The following ADAM22 variants were observed in gnomAD, a reference collection of about 807,000 sequenced individuals.
The protein encoded by ADAM22 is disintegrin and metalloproteinase domain-containing protein 22.
In ADAM22, 65 loss-of-function variants were observed where a neutral mutation model predicts 144.6. The observed-to-expected ratio is 0.45, with a 90% CI of 0.37 to 0.55. The LOEUF is 0.55. ADAM22 is among the 20% of genes least tolerant of loss of function. The pLI is 0.00. For synonymous variants in ADAM22, 391 were observed against 412.6 expected, an observed-to-expected ratio of 0.95 and a Z score of 0.63; for missense variants, 974 against 1,184.9, an observed-to-expected ratio of 0.82 and a Z score of 2.61.
chr7:88,073,317 A>C (rs10228892), intron 3 of ADAM22, among the ~76,000 whole-genome samples: 21,448 of 152,192 alleles, frequency 0.14, 2,337 homozygotes, highest in African/African-American at 0.29. Flanking sequence ...ATTTTCTATA[A>C]GATGGTGAGA....
intron 2 of ADAM22, among the ~76,000 whole-genome samples, chr7:87,947,884 C>T (rs1377366896): frequency 6.6e-6 from 1 of 152,100 alleles, no homozygotes; most frequent in Non-Finnish European, 1.5e-5. Context: ...CATCGTTGAG[C>T]ACAGACAGAG....
intron 3 of ADAM22, among the ~76,000 whole-genome samples, chr7:88,000,368 G>A (rs1792259154): frequency 1.3e-5 from 2 of 152,094 alleles, no homozygotes; most frequent in African/African-American, 4.8e-5. Context: ...GAGAAACACA[G>A]CTGTAATAAG....
intron 3 of ADAM22, among the ~76,000 whole-genome samples, chr7:88,037,443 A>G (rs967295776): frequency 1.3e-5 from 2 of 152,246 alleles, no homozygotes; most frequent in African/African-American, 4.8e-5. Context: ...GCCTAGATTT[A>G]CATATGCAAG....
intron 3 of ADAM22, among the ~76,000 whole-genome samples, chr7:88,027,327 T>G (rs954716621): frequency 6.6e-6 from 1 of 152,224 alleles, no homozygotes; most frequent in African/African-American, 2.4e-5. Context: ...CTTTAGATGT[T>G]TAGTAAAATT....
In ADAM22 at chr7:88,181,865, C is replaced by T. The variant is rs2129538203; in HGVS notation, c.2597-93C>T. The T allele has an allele frequency of 3.5e-6, 4 of 1,139,336 alleles. No individual in the cohort carries two copies. The East Asian group carries it at 7.0e-5, about 20-fold the overall frequency. 70.6% of individuals were successfully genotyped at this position (1,139,336 alleles called of 1,614,324 possible). A position where few individuals can be genotyped will look rare whatever the true frequency, so the allele number is the denominator to read the frequency against. On this transcript the variant is annotated intron_variant, in intron 28 of 31. Transcript: ENST00000413139. ...AACCCGGTGTTCCACAGTGGTGCTGCTTATCAATTATACCCACTTGAAATG... is the reference window on the plus strand; with the variant it reads ...AACCCGGTGTTCCACAGTGGTGCTGTTTATCAATTATACCCACTTGAAATG...
At chr7:87,981,383 A>T (rs1026717632) in intron 3 of ADAM22, among the ~76,000 whole-genome samples, 20 of 152,122 alleles carry the variant, frequency 1.3e-4, no homozygotes, top group African/African-American at 4.1e-4. Context: ...TTGTCTTCTT[A>T]TTTCAATAAC....
intron 3 of ADAM22, among the ~76,000 whole-genome samples, chr7:88,045,932 G>GTGTGTA (rs1804576166): frequency 7.1e-6 from 1 of 141,780 alleles, no homozygotes; most frequent in East Asian, 2.1e-4. Flanking sequence ...GTGTGTGTGT[G>GTGTGTA]TATGTCACCC....
chr7:88,200,591 CTAATTA>C lies in ADAM22; in HGVS notation c.*4103_*4108del, dbSNP rs776214145. The C allele has an allele frequency of 2.0e-5, 3 of 152,218 alleles. No homozygotes were observed. Among genetic ancestry groups the C allele is most frequent in the Admixed American group, 6.5e-5 (1 of 15,276 alleles). 9.4% of individuals were successfully genotyped at this position (152,218 alleles called of 1,614,324 possible). On this transcript the variant is annotated 3_prime_UTR_variant, in exon 32 of 32. Transcript: ENST00000413139. Reference sequence around the variant, plus strand: ...AGCATCATATCTACTTTTTATGCACCTAATTATATTTTTCCTTTCACTTTTATGTTT... The same window carrying C: ...AGCATCATATCTACTTTTTATGCACCTATTTTTCCTTTCACTTTTATGTTT...
intron 4 of ADAM22, among the ~76,000 whole-genome samples, chr7:88,092,060 C>A (rs1264127333): frequency 6.6e-6 from 1 of 152,024 alleles, no homozygotes; most frequent in African/African-American, 2.4e-5. Flanking sequence ...GGAGCACCAT[C>A]GCTTCAAATC....
intron 3 of ADAM22, among the ~76,000 whole-genome samples, chr7:88,011,714 TTC>T (rs139701122): frequency 6.2e-4 from 92 of 148,378 alleles, no homozygotes; most frequent in Non-Finnish European, 6.0e-4. Context: ...TTCTTTCTCT[TTC>T]TCTCTCTCTC....
intron 8 of ADAM22, among the ~76,000 whole-genome samples, chr7:88,127,471 C>G (rs1830683623): frequency 6.6e-6 from 1 of 152,066 alleles, no homozygotes; most frequent in South Asian, 2.1e-4. Context: ...AAAAACACCC[C>G]CCTCCCTTAA....
At chr7:88,038,909 T>C (rs539397518) in intron 3 of ADAM22, among the ~76,000 whole-genome samples, 19 of 151,696 alleles carry the variant, frequency 1.3e-4, no homozygotes, top group Non-Finnish European at 2.7e-4. Flanking sequence ...GCCTCTCGAG[T>C]AGCTGGGACT....
intron 2 of ADAM22, among the ~76,000 whole-genome samples, chr7:87,949,060 T>G (rs554217159): frequency 7.2e-5 from 11 of 152,334 alleles, no homozygotes; most frequent in African/African-American, 2.4e-4. Flanking sequence ...ATGTAATGCT[T>G]TCGTTGGGAT....
chr7:88,113,703 AATATATATATATATATAT>A (rs58099116), intron 5 of ADAM22, among the ~76,000 whole-genome samples: 43 of 48,110 alleles, frequency 8.9e-4, no homozygotes, highest in African/African-American at 1.5e-3. Context: ...TAAATAAATA[AATATATATATATATATAT>A]ATATATATAT....
At chr7:88,106,232 A>T (rs1490065889) in intron 4 of ADAM22, among the ~76,000 whole-genome samples, 4 of 152,106 alleles carry the variant, frequency 2.6e-5, no homozygotes, top group Non-Finnish European at 5.9e-5. Context: ...TCTCCATTAA[A>T]TGCAACCGCA....
intron 3 of ADAM22, among the ~76,000 whole-genome samples, chr7:87,992,614 C>T (rs1381815256): frequency 1.3e-5 from 2 of 152,042 alleles, no homozygotes; most frequent in African/African-American, 2.4e-5. Flanking sequence ...AGGTAGTATT[C>T]GTTTTTAGGT....
chr7:88,142,513 T>C (rs10441268), intron 14 of ADAM22, among the ~76,000 whole-genome samples: 24,426 of 152,108 alleles, frequency 0.16, 3,809 homozygotes, highest in African/African-American at 0.4. Flanking sequence ...AAACCCACAG[T>C]AACTATTAGT....
intron 5 of ADAM22, among the ~76,000 whole-genome samples, chr7:88,112,299 A>G (rs1826258884): frequency 6.6e-6 from 1 of 152,232 alleles, no homozygotes; most frequent in South Asian, 2.1e-4. Context: ...ATAGAAGTTG[A>G]GGACATGTGG....
At chr7:88,140,877 A>G (rs1563308174) in intron 14 of ADAM22, among the ~76,000 whole-genome samples, 1 of 152,140 alleles carries the variant, frequency 6.6e-6, no homozygotes, top group Admixed American at 6.6e-5. Context: ...GAGTTTTATT[A>G]CTAGTCACAA....
Sources: allele counts gnomAD v4.1 joint callset (sites outside exome capture counted in the v4.1 genomes callset), GRCh38; gene constraint gnomAD v4.1.1; transcripts MANE v1.5; gene names NCBI Gene and HGNC (gene_info 2026-07-23, HGNC 2026-07-21).